The following UCHL3 variants were observed in gnomAD, a reference collection of about 807,000 sequenced individuals.
UCHL3 encodes ubiquitin carboxyl-terminal hydrolase isozyme L3.
Under a neutral mutation model 35.8 loss-of-function variants are expected in UCHL3, and 22 were observed. That is an observed-to-expected ratio of 0.61 (90% CI 0.44 to 0.88). The LOEUF (loss-of-function observed/expected upper bound fraction) is 0.88. Among genes scored for constraint, UCHL3 ranks in the 40% least tolerant of loss-of-function variants. The pLI, the probability that UCHL3 is intolerant of heterozygous loss-of-function variation, is 0.00. For missense variants in UCHL3, 229 were observed against 276.9 expected (o/e 0.83, Z 1.23); for synonymous variants, 90 against 92.8 (o/e 0.97, Z 0.17).
At chr13:75,578,076 T>C (rs768949201) in intron 6 of UCHL3, among the ~76,000 whole-genome samples, 6 of 152,318 alleles carry the variant, frequency 3.9e-5, no homozygotes, top group Non-Finnish European at 8.8e-5. Context: ...TGCATCTATG[T>C]ATATTTGCTA....
intron 6 of UCHL3, chr13:75,589,803 C>A: frequency 1.5e-6 from 1 of 674,054 alleles, no homozygotes; most frequent in South Asian, 2.2e-5. Flanking sequence ...ATACATGATC[C>A]TTTGCTAGAT....
chr13:75,592,446 A>ATATATATATATGTATATATG lies in UCHL3; in HGVS notation c.475-2458_475-2457insGTATATATGTATATATATAT, dbSNP rs2032523644. Among the ~76,000 whole-genome samples the ATATATATATATGTATATATG allele has an allele frequency of 8.4e-5, 6 of 71,072 alleles. 1 individual carries two copies. The highest frequency in any genetic ancestry group is 4.3e-4 in the East Asian group (1 of 2,320). The allele number at this position is 71,072 out of a possible 152,430, so 46.6% of individuals were successfully genotyped here. Reference sequence around the variant, plus strand: ...TATATATATATATATATATATATATATATATATATATATATATATATGAAG... The same window carrying ATATATATATATGTATATATG: ...TATATATATATATATATATATATATATATATATATATGTATATATGTATATATATATATATATATATGAAG... On this transcript the variant is annotated intron_variant, in intron 6 of 8. Transcript: ENST00000377595.
At chr13:75,592,454 A>ACATAT (rs1566228202) in intron 6 of UCHL3, among the ~76,000 whole-genome samples, 1 of 118,832 alleles carries the variant, frequency 8.4e-6, no homozygotes, top group Non-Finnish European at 1.8e-5. Flanking sequence ...ATATATATAT[A>ACATAT]TATATATATA....
intron 6 of UCHL3, among the ~76,000 whole-genome samples, chr13:75,579,307 C>A (rs1001790948): frequency 6.6e-6 from 1 of 152,038 alleles, no homozygotes; most frequent in Admixed American, 6.6e-5. Context: ...CCAGTTTTGT[C>A]AAAAGTCTGA....
rs529148934 is a variant in UCHL3, at chr13:75,583,039, C to T, written c.475-11876C>T. 1.5e-4 allele frequency among the ~76,000 whole-genome samples: 23 copies of T among 152,100 alleles called. No homozygotes were observed. In the South Asian group the frequency reaches 3.5e-3, roughly 23 times the overall value. Reference sequence around the variant, plus strand: ...TACAGTTGGAGATATTTGTATAGTGCGTTCATTTAGCATGAGGAGGTAAAA... The same window carrying T: ...TACAGTTGGAGATATTTGTATAGTGTGTTCATTTAGCATGAGGAGGTAAAA... On this transcript the variant is annotated intron_variant, in intron 6 of 8. Transcript: ENST00000377595.
chr13:75,603,297 A>G (rs527459607), intron 7 of UCHL3, among the ~76,000 whole-genome samples: 255 of 152,298 alleles, frequency 1.7e-3, no homozygotes, highest in African/African-American at 5.5e-3. Context: ...CTTTAGTCTC[A>G]TGAATGACAC....
chr13:75,583,475 G>T (rs1029548485), intron 6 of UCHL3, among the ~76,000 whole-genome samples: 8 of 152,094 alleles, frequency 5.3e-5, no homozygotes, highest in African/African-American at 7.2e-5. Context: ...CTTTAAAATA[G>T]AAATAATTAT....
chr13:75,555,272 T>G (rs2138453060), intron 2 of UCHL3, among the ~76,000 whole-genome samples: 1 of 152,344 alleles, frequency 6.6e-6, no homozygotes, highest in Non-Finnish European at 1.5e-5. Flanking sequence ...CACAGCTAAA[T>G]TAGCCCCCCA....
chr13:75,602,222 A>G (rs561640591), intron 7 of UCHL3, among the ~76,000 whole-genome samples: 123 of 152,312 alleles, frequency 8.1e-4, no homozygotes, highest in African/African-American at 2.8e-3. Context: ...ATTGTTGGGT[A>G]TTTGACAGTA....
At chr13:75,604,931 T>A (rs2032890624) in intron 8 of UCHL3, 104 bp downstream of exon 8, 2 of 944,664 alleles carry the variant, frequency 2.1e-6, no homozygotes, top group Non-Finnish European at 3.0e-6. Flanking sequence ...GGATACTTCT[T>A]TATCCTTGTT....
In UCHL3 at chr13:75,605,809, A is replaced by G. The variant is rs780980995; in HGVS notation, c.690A>G (p.Ala230=). The G allele has an allele frequency of 1.2e-6, 2 of 1,614,006 alleles. No homozygotes were observed. Among genetic ancestry groups the G allele is most frequent in the South Asian group, 1.1e-5 (1 of 91,070 alleles). The change falls in exon 9 of 9, where the codon GCA becomes GCG. Residue 230 remains alanine (A), a synonymous_variant. Coordinates refer to ENST00000377595, the MANE Select transcript of UCHL3 (RefSeq NM_006002.5). ...TTAATGCGATTGCTCTTTCTGCAGCATAGCTTGTCAATAATGGAAACACCA... is the reference window on the plus strand; with the variant it reads ...TTAATGCGATTGCTCTTTCTGCAGCGTAGCTTGTCAATAATGGAAACACCA... ...LRFNAIALSA[A]
chr13:75,595,589 C>T (rs1347758988), intron 7 of UCHL3, among the ~76,000 whole-genome samples: 1 of 85,986 alleles, frequency 1.2e-5, no homozygotes, highest in African/African-American at 5.0e-5. Context: ...AGGAGTGATA[C>T]TCCATCTCAA....
At chr13:75,580,934 T>G (rs1198776422) in intron 6 of UCHL3, among the ~76,000 whole-genome samples, 2 of 152,230 alleles carry the variant, frequency 1.3e-5, no homozygotes, top group African/African-American at 2.4e-5. Flanking sequence ...AGCAAGGCTA[T>G]TCACAGCTAG....
chr13:75,587,016 G>C (rs1273983052), intron 6 of UCHL3, among the ~76,000 whole-genome samples: 1 of 32,814 alleles, frequency 3.0e-5, no homozygotes, highest in Admixed American at 2.8e-4. Context: ...CCTTAAGGTA[G>C]CAAAAAAAAA....
intron 8 of UCHL3, 64 bp from the exon 9 acceptor site, chr13:75,605,664 TG>T: frequency 6.9e-7 from 1 of 1,456,310 alleles, no homozygotes; most frequent in South Asian, 1.2e-5. Flanking sequence ...AAATATGAAA[TG>T]TTTATCATTT....
chr13:75,573,862 C>G (rs930495447), intron 6 of UCHL3, among the ~76,000 whole-genome samples: 2 of 152,198 alleles, frequency 1.3e-5, no homozygotes, highest in Non-Finnish European at 2.9e-5. Context: ...CAGTACACTT[C>G]CGGGTATACC....
chr13:75,595,635 A>G (rs2081137743), intron 7 of UCHL3, among the ~76,000 whole-genome samples: 1 of 142,348 alleles, frequency 7.0e-6, no homozygotes, highest in Non-Finnish European at 1.5e-5. Flanking sequence ...AAAGAGCGTA[A>G]TAGTTGTAAT....
chr13:75,591,195 A>C (rs2032469799), intron 6 of UCHL3, among the ~76,000 whole-genome samples: 1 of 152,220 alleles, frequency 6.6e-6, no homozygotes. Context: ...TGTTATACTC[A>C]AACTGTGAAG....
rs546681998 is a variant in UCHL3 at position 75,594,712 on chromosome 13, G to A, written c.475-203G>A. Among the ~76,000 whole-genome samples, 4 of 152,286 alleles carry A rather than the reference G, an allele frequency of 2.6e-5. No individual in the cohort carries two copies. In the South Asian group the frequency reaches 8.3e-4, roughly 32 times the overall value. On this transcript the variant is annotated intron_variant, in intron 6 of 8. Coordinates refer to ENST00000377595, the MANE Select transcript of UCHL3 (RefSeq NM_006002.5). ...TAAGAAAGTTGTGCTTTTAGTCACT[G>A]TTTTCTTTGCCGATAACTGAGCACA...
Sources: allele counts gnomAD v4.1 joint callset (sites outside exome capture counted in the v4.1 genomes callset), GRCh38; gene constraint gnomAD v4.1.1; transcripts MANE v1.5; gene names NCBI Gene and HGNC (gene_info 2026-07-23, HGNC 2026-07-21).